Variants in ZBTB20 observed in about 807,000 individuals in gnomAD.
The protein encoded by ZBTB20 is zinc finger and BTB domain-containing protein 20.
A neutral mutation model predicts 56.9 loss-of-function variants in ZBTB20; 9 were observed. That is an observed-to-expected ratio of 0.16 (90% CI 0.10 to 0.28). ZBTB20 has a LOEUF of 0.28. Ranked by LOEUF, ZBTB20 falls within the 10% of genes least tolerant of loss-of-function variation. ZBTB20 has a pLI of 1.00. For missense variants in ZBTB20, 655 were observed against 1,003.0 expected (o/e 0.65, Z 4.69); for synonymous variants, 417 against 420.7 (o/e 0.99, Z 0.11).
At chr3:114,778,707 T>C (rs79560717) in intron 5 of ZBTB20, among the ~76,000 whole-genome samples, 6,077 of 152,266 alleles carry the variant, frequency 0.04, 434 homozygotes, top group African/African-American at 0.14. Flanking sequence ...CTGCGTTCTC[T>C]AGTACCTTTG....
chr3:114,421,214 A>C (rs1366976823), intron 7 of ZBTB20, among the ~76,000 whole-genome samples: 1 of 152,090 alleles, frequency 6.6e-6, no homozygotes, highest in Non-Finnish European at 1.5e-5. Context: ...CCAAATGGTA[A>C]AGTTCTCACT....
intron 3 of ZBTB20, among the ~76,000 whole-genome samples, chr3:114,955,339 A>G (rs2077210181): frequency 6.6e-6 from 1 of 152,218 alleles, no homozygotes; most frequent in Non-Finnish European, 1.5e-5. Context: ...TATAAACAAA[A>G]CACAGTTGCC....
chr3:114,564,467 G>A (rs1273196952), intron 6 of ZBTB20, among the ~76,000 whole-genome samples: 1 of 152,066 alleles, frequency 6.6e-6, no homozygotes, highest in Non-Finnish European at 1.5e-5. Context: ...AGCATGGTAA[G>A]CTGCACAGAC....
chr3:114,797,422 T>C (rs2071406389), intron 5 of ZBTB20, among the ~76,000 whole-genome samples: 1 of 151,852 alleles, frequency 6.6e-6, no homozygotes, highest in African/African-American at 2.4e-5. Context: ...CTGACTTTCA[T>C]TTATTACTCC....
intron 6 of ZBTB20, among the ~76,000 whole-genome samples, chr3:114,653,672 C>G (rs1276897139): frequency 6.6e-6 from 1 of 151,798 alleles, no homozygotes; most frequent in African/African-American, 2.4e-5. Context: ...CCTATGTTTT[C>G]TGAAAGAGTC....
At chr3:114,524,761 G>T (rs1433602133) in intron 6 of ZBTB20, among the ~76,000 whole-genome samples, 2 of 151,976 alleles carry the variant, frequency 1.3e-5, no homozygotes, top group Admixed American at 1.3e-4. Context: ...TGCCCAGGCT[G>T]GAGTGCACAG....
At chr3:114,709,498 G>A (rs181926518) in intron 5 of ZBTB20, among the ~76,000 whole-genome samples, 2 of 152,312 alleles carry the variant, frequency 1.3e-5, no homozygotes, top group East Asian at 3.9e-4. Flanking sequence ...AGATCCATGA[G>A]CACCTGGTGC....
chr3:114,745,759 G>A (rs2066992064), intron 5 of ZBTB20, among the ~76,000 whole-genome samples: 1 of 152,114 alleles, frequency 6.6e-6, no homozygotes. Context: ...AAAATGGAGA[G>A]AGAACTAACC....
chr3:115,133,397 A>G (rs891848906), intron 1 of ZBTB20, among the ~76,000 whole-genome samples: 2 of 152,206 alleles, frequency 1.3e-5, no homozygotes, highest in Non-Finnish European at 2.9e-5. Flanking sequence ...TTCATATAAC[A>G]TAAACTCACC....
intron 5 of ZBTB20, among the ~76,000 whole-genome samples, chr3:114,741,570 G>A (rs1377459924): frequency 6.6e-6 from 1 of 152,084 alleles, no homozygotes; most frequent in Non-Finnish European, 1.5e-5. Flanking sequence ...TGTGTACTAA[G>A]GCTTCTCTAC....
chr3:114,835,578 A>G (rs1403876715), intron 4 of ZBTB20, among the ~76,000 whole-genome samples: 1 of 152,198 alleles, frequency 6.6e-6, no homozygotes, highest in Non-Finnish European at 1.5e-5. Flanking sequence ...ACGCCAGTTC[A>G]TAATAGTATC....
chr3:114,747,715 G>A lies in ZBTB20; in HGVS notation c.-343+53386C>T, dbSNP rs1181336951. Among the ~76,000 whole-genome samples the A allele has an allele frequency of 8.4e-4, 2 of 2,386 alleles. 1 individual carries two copies. The highest frequency in any genetic ancestry group is 8.6e-4 in the African/African-American group (2 of 2,328). 1.6% of individuals were successfully genotyped at this position (2,386 alleles called of 152,430 possible). A position where few individuals can be genotyped will look rare whatever the true frequency, so the allele number is the denominator to read the frequency against. On this transcript the variant is annotated intron_variant, in intron 5 of 11. Transcript: ENST00000675478. ...GGGCGGATCACGAGGTCAGGAGATC[G>A]AGACCATCCTGGCTAACACGGTGAA... is the stretch of plus-strand genomic sequence containing the variant.
intron 4 of ZBTB20, among the ~76,000 whole-genome samples, chr3:114,895,422 G>A (rs892681994): frequency 6.6e-6 from 1 of 152,148 alleles, no homozygotes; most frequent in African/African-American, 2.4e-5. Context: ...GTGTCAACAC[G>A]CTTTCTATTG....
chr3:114,656,506 T>G (rs2060412759), intron 6 of ZBTB20, among the ~76,000 whole-genome samples: 1 of 152,172 alleles, frequency 6.6e-6, no homozygotes. Flanking sequence ...TTGATATTGT[T>G]GTACAGATCA....
chr3:114,761,467 A>G (rs989849498), intron 5 of ZBTB20, among the ~76,000 whole-genome samples: 1 of 152,204 alleles, frequency 6.6e-6, no homozygotes, highest in Admixed American at 6.6e-5. Flanking sequence ...GACCAGGGCA[A>G]CTAATGTCCA....
chr3:114,974,722 A>C (rs1351232357), intron 2 of ZBTB20, among the ~76,000 whole-genome samples: 1 of 152,182 alleles, frequency 6.6e-6, no homozygotes, highest in Non-Finnish European at 1.5e-5. Context: ...TTTTCTTTTA[A>C]GAAAAGCAAA....
At chr3:114,964,176 A>G (rs1326608808) in intron 3 of ZBTB20, among the ~76,000 whole-genome samples, 1 of 152,176 alleles carries the variant, frequency 6.6e-6, no homozygotes, top group Non-Finnish European at 1.5e-5. Context: ...GCACTTTGGG[A>G]GGCCAAGGTG....
chr3:115,039,343 C>T (rs752416962), intron 2 of ZBTB20, among the ~76,000 whole-genome samples: 9 of 151,910 alleles, frequency 5.9e-5, no homozygotes, highest in East Asian at 1.9e-4. Context: ...GGATAGAAAA[C>T]GTTTCAAATG....
chr3:114,961,433 A>G (rs2107975405), intron 3 of ZBTB20, among the ~76,000 whole-genome samples: 1 of 152,270 alleles, frequency 6.6e-6, no homozygotes, highest in East Asian at 1.9e-4. Flanking sequence ...ACAGCTATCT[A>G]GCTCTGTAAT....
Sources: allele counts gnomAD v4.1 joint callset (sites outside exome capture counted in the v4.1 genomes callset), GRCh38; gene constraint gnomAD v4.1.1; transcripts MANE v1.5; gene names NCBI Gene and HGNC (gene_info 2026-07-23, HGNC 2026-07-21).